The following RIMS1 variants were observed in gnomAD, a reference collection of about 807,000 sequenced individuals.
RIMS1 encodes regulating synaptic membrane exocytosis 1, also known as regulating synaptic membrane exocytosis protein 1.
Under a neutral mutation model 214.1 loss-of-function variants are expected in RIMS1, and 83 were observed. The observed-to-expected ratio is 0.39, with a 90% confidence interval of 0.32 to 0.47. The LOEUF is 0.47. Among genes scored for constraint, RIMS1 ranks in the 20% least tolerant of loss-of-function variants. RIMS1 has a pLI of 0.99. For missense variants in RIMS1, 2,050 were observed against 2,161.8 expected, an observed-to-expected ratio of 0.95 and a Z score of 1.03; for synonymous variants, 793 against 786.8, an observed-to-expected ratio of 1.01 and a Z score of -0.13.
At chr6:71,888,449 G>T (rs774288281) in intron 1 of RIMS1, among the ~76,000 whole-genome samples, 43 of 152,316 alleles carry the variant, frequency 2.8e-4, no homozygotes, top group Non-Finnish European at 5.0e-4. Context: ...GAGCAGGGGT[G>T]AAACCCAGAC....
intron 4 of RIMS1, among the ~76,000 whole-genome samples, chr6:72,110,055 A>G (rs1442397967): frequency 6.6e-6 from 1 of 151,600 alleles, no homozygotes; most frequent in East Asian, 1.9e-4. Context: ...TGTTCCATTT[A>G]TCTATATCTC....
chr6:71,971,481 A>G (rs1561998547), intron 2 of RIMS1, among the ~76,000 whole-genome samples: 1 of 152,224 alleles, frequency 6.6e-6, no homozygotes, highest in Non-Finnish European at 1.5e-5. Context: ...GGGGATTACC[A>G]TATTAATGGC....
chr6:72,146,241 G>A (rs186336101), intron 4 of RIMS1, among the ~76,000 whole-genome samples: 98 of 152,168 alleles, frequency 6.4e-4, no homozygotes, highest in African/African-American at 1.9e-3. Context: ...AAATCTTTAC[G>A]CAACAGGAGG....
chr6:72,265,175 AT>A (rs2079904124), intron 20 of RIMS1, 123 bp downstream of exon 20: 3 of 650,658 alleles, frequency 4.6e-6, no homozygotes, highest in Non-Finnish European at 5.1e-6. Flanking sequence ...CTAATAAAAT[AT>A]TCTTTTGAAA....
intron 2 of RIMS1, among the ~76,000 whole-genome samples, chr6:71,998,294 G>T (rs1804095670): frequency 6.6e-6 from 1 of 152,130 alleles, no homozygotes. Context: ...ATGGGTGGCT[G>T]TCCCCTCCAC....
At chr6:72,200,804 C>T (rs1043809225) in intron 6 of RIMS1, among the ~76,000 whole-genome samples, 2 of 150,482 alleles carry the variant, frequency 1.3e-5, no homozygotes, top group African/African-American at 2.4e-5. Context: ...GGACATTAGC[C>T]GTTTTAATCA....
At chr6:72,382,631 G>A (rs1438923407) in intron 29 of RIMS1, among the ~76,000 whole-genome samples, 3 of 152,112 alleles carry the variant, frequency 2.0e-5, no homozygotes, top group Admixed American at 2.0e-4. Flanking sequence ...CACCCTGAGG[G>A]CCTTAGATAA....
intron 2 of RIMS1, among the ~76,000 whole-genome samples, chr6:72,025,212 G>A (rs879655781): frequency 3.3e-5 from 5 of 151,980 alleles, no homozygotes; most frequent in Admixed American, 6.6e-5. Flanking sequence ...CAAAGTCTGC[G>A]TTCCTTTTTT....
intron 1 of RIMS1, among the ~76,000 whole-genome samples, chr6:71,918,736 A>T (rs1441918166): frequency 6.6e-6 from 1 of 152,158 alleles, no homozygotes; most frequent in Non-Finnish European, 1.5e-5. Flanking sequence ...GCCATTGTGG[A>T]TGAGCTTGAG....
At chr6:72,225,076 A>G (rs1427187506) in intron 6 of RIMS1, among the ~76,000 whole-genome samples, 1 of 152,038 alleles carries the variant, frequency 6.6e-6, no homozygotes, top group African/African-American at 2.4e-5. Context: ...ATTTGTTTGC[A>G]TAGCCAAAAT....
At chr6:71,897,325 G>T (rs558283020) in intron 1 of RIMS1, among the ~76,000 whole-genome samples, 59 of 152,204 alleles carry the variant, frequency 3.9e-4, no homozygotes, top group Middle Eastern at 3.4e-3. Context: ...TGCTGCCAGA[G>T]GAATCTTTCT....
intron 1 of RIMS1, among the ~76,000 whole-genome samples, chr6:71,918,307 A>G (rs1318619174): frequency 1.3e-5 from 2 of 152,090 alleles, no homozygotes; most frequent in Non-Finnish European, 2.9e-5. Flanking sequence ...GAGTTCTGGT[A>G]GCCAAATGGA....
At chr6:72,374,066 C>A (rs1422245597) in intron 29 of RIMS1, among the ~76,000 whole-genome samples, 1 of 152,072 alleles carries the variant, frequency 6.6e-6, no homozygotes, top group East Asian at 1.9e-4. Context: ...AAGTACGCAC[C>A]ACCACACCCA....
chr6:72,057,656 C>T (rs1187740640), intron 2 of RIMS1, among the ~76,000 whole-genome samples: 1 of 151,942 alleles, frequency 6.6e-6, no homozygotes, highest in African/African-American at 2.4e-5. Context: ...TACAGGCGCC[C>T]GCCACCACTA....
rs368813189 is a variant in RIMS1 at position 72,153,919 on chromosome 6, A to G, written c.472-25656A>G. Among the ~76,000 whole-genome samples, 11 of 152,332 alleles carry G rather than the reference A, an allele frequency of 7.2e-5. No individual in the cohort carries two copies. In the East Asian group the frequency reaches 9.6e-4, roughly 13 times the overall value. On this transcript the variant is annotated intron_variant, in intron 4 of 33. Transcript: ENST00000521978. ...AAATATTGAAATGTATAAGGCATGA[A>G]AAAATAGAACTTCTTTGCATGCTAG...
chr6:72,367,091 G>A (rs1301921030), intron 29 of RIMS1, among the ~76,000 whole-genome samples: 1 of 152,148 alleles, frequency 6.6e-6, no homozygotes, highest in Non-Finnish European at 1.5e-5. Context: ...AAAAAATGAT[G>A]TTGCAACAGT....
intron 4 of RIMS1, among the ~76,000 whole-genome samples, chr6:72,128,476 A>G (rs1388703213): frequency 6.6e-6 from 1 of 152,144 alleles, no homozygotes; most frequent in Admixed American, 6.6e-5. Context: ...TATACCCAGA[A>G]CACAGCCATC....
At chr6:72,239,758 C>T (rs1218061348) in intron 9 of RIMS1, among the ~76,000 whole-genome samples, 1 of 152,160 alleles carries the variant, frequency 6.6e-6, no homozygotes, top group Non-Finnish European at 1.5e-5. Flanking sequence ...TCCTAGTTAT[C>T]ATTTGTTCAA....
intron 1 of RIMS1, among the ~76,000 whole-genome samples, chr6:71,920,672 T>C (rs1038242974): frequency 6.6e-6 from 1 of 152,194 alleles, no homozygotes; most frequent in South Asian, 2.1e-4. Flanking sequence ...ACACTATCAA[T>C]AAATTTTCCT....
Sources: gnomAD v4.1 joint callset for allele counts (sites outside exome capture counted in the v4.1 genomes callset) on GRCh38, gnomAD v4.1.1 for gene constraint, MANE v1.5 for transcripts, NCBI Gene and HGNC (gene_info 2026-07-23, HGNC 2026-07-21) for gene names.